Variants in SZT2 observed in about 807,000 individuals in gnomAD.
The protein encoded by SZT2 is KICSTOR complex protein SZT2.
In SZT2, 216 loss-of-function variants were observed where a neutral mutation model predicts 404.2. The observed-to-expected ratio is 0.53, with a 90% CI of 0.48 to 0.60. SZT2 has a LOEUF of 0.60. Ranked by LOEUF, SZT2 falls within the 20% of genes least tolerant of loss-of-function variation. The pLI is 0.00. For missense variants in SZT2, 3,857 were observed against 4,459.2 expected, an observed-to-expected ratio of 0.86 and a Z score of 3.85; for synonymous variants, 1,693 against 1,749.9, an observed-to-expected ratio of 0.97 and a Z score of 0.81.
intron 28 of SZT2, 149 bp downstream of exon 28, chr1:43,428,635 A>G: frequency 8.9e-7 from 1 of 1,118,684 alleles, no homozygotes; most frequent in Non-Finnish European, 1.2e-6. Context: ...ACGGACTCCC[A>G]TGCAGCCTTC....
At chr1:43,430,137 C>G (rs550107300) in intron 30 of SZT2, 34 bp downstream of exon 30, 1 of 1,612,146 alleles carries the variant, frequency 6.2e-7, no homozygotes, top group African/African-American at 1.3e-5. Context: ...CTCTCGTGCC[C>G]TCAACCCAGA....
intron 4 of SZT2, among the ~76,000 whole-genome samples, chr1:43,411,823 G>A (rs922846265): frequency 5.0e-5 from 6 of 121,024 alleles, no homozygotes; most frequent in Non-Finnish European, 7.9e-5. Context: ...CTGTCACCTC[G>A]GGTGGAGTGC....
Position 43,433,023 on chromosome 1 carries a change from G to C in SZT2, c.5637G>C (p.Glu1879Asp), listed in dbSNP as rs1654080897. The C allele has an allele frequency of 4.3e-6, 7 of 1,614,084 alleles. No homozygotes were observed. The highest frequency in any genetic ancestry group is 5.9e-6 in the Non-Finnish European group (7 of 1,180,034). ...YDGGSSGSDS[E>D]GPNDTLGEKA... ...GTGGCAGCAGTGGCTCAGACAGTGA[G>C]GGTCCCAATGACACCCTTGGTGAGA... The change falls in exon 40 of 72, where the codon GAG (glutamate) becomes GAC (aspartate). Residue 1879 changes from glutamate (E) to aspartate (D), a missense_variant. Glu to Asp is a conservative substitution (Grantham distance 45). This residue lies in a region of SZT2 where 1,725 missense variants were observed against 1,881.0 expected (regional missense o/e 0.92). Transcript: ENST00000634258.
At chr1:43,421,326 A>G in intron 11 of SZT2, 23 bp downstream of exon 11, 1 of 1,596,408 alleles carries the variant, frequency 6.3e-7, no homozygotes, top group Non-Finnish European at 8.5e-7. Context: ...GAAGTATAGT[A>G]GCCCCATTTC....
At position 43,448,358 on chromosome 1, in the gene SZT2, C is replaced by A; in HGVS notation, c.9843C>A (p.Arg3281=). ...GCCGTCGGGACACCCTTTGGAAGCG[C>A]CTCTTCTTGCTGGAGCCACCGGGGC... ...GHCRRDTLWK[R]LFLLEPPGPD... The change falls in exon 69 of 72, where the codon CGC becomes CGA. Residue 3281 remains arginine (R), a synonymous_variant. Coordinates refer to ENST00000634258, the MANE Select transcript of SZT2 (RefSeq NM_001365999.1). This position sits in a 1 kb window ranked among gnomAD's most constrained non-coding sequence, Gnocchi z 4.2. 2 of 1,554,848 alleles carry A rather than the reference C, an allele frequency of 1.3e-6. No individual in the cohort carries two copies. Among genetic ancestry groups the A allele is most frequent in the Non-Finnish European group, 1.7e-6 (2 of 1,149,174 alleles).
intron 1 of SZT2, among the ~76,000 whole-genome samples, chr1:43,394,735 G>A (rs1404688249): frequency 6.6e-6 from 1 of 152,148 alleles, no homozygotes; most frequent in African/African-American, 2.4e-5. Flanking sequence ...AAAATTAGCC[G>A]GGCGTGGTGG....
Position 43,425,966 on chromosome 1 carries a change from G to GC in SZT2, c.2929+20dup. 1 of 1,610,008 alleles carries GC rather than the reference G, an allele frequency of 6.2e-7. No homozygotes were observed. Among genetic ancestry groups the GC allele is most frequent in the African/African-American group, 1.3e-5 (1 of 74,966 alleles). On this transcript the variant is annotated intron_variant, in intron 20 of 71. Transcript: ENST00000634258. This position sits in a 1 kb window ranked among gnomAD's most constrained non-coding sequence, Gnocchi z 4.3. ...TCTCTGATGGTGAGTGGGGCAGGCG[G>GC]CCCACTGGTGGAGCAGGGGAGTGGG...
chr1:43,441,894 T>G lies in SZT2; in HGVS notation c.7742+76T>G. ...AGCTGGGCCTACAGGAAGCCAAACC[T>G]GAGGAAGCTGAGCTAGGAGAGGTGG... On this transcript the variant is annotated intron_variant, in intron 55 of 71. Coordinates refer to ENST00000634258, the MANE Select transcript of SZT2 (RefSeq NM_001365999.1). The surrounding 1 kb of genome is among the most constrained non-coding windows in gnomAD (Gnocchi z 4.8). 1 of 1,597,300 alleles carries G rather than the reference T, an allele frequency of 6.3e-7. No homozygotes were observed. Among genetic ancestry groups the G allele is most frequent in the Non-Finnish European group, 8.6e-7 (1 of 1,168,508 alleles).
At position 43,442,408 on chromosome 1, in the gene SZT2, C is replaced by T. The variant is rs200572608; in HGVS notation, c.7975-34C>T. 235 of 1,612,240 alleles carry T rather than the reference C, an allele frequency of 1.5e-4. 3 individuals are homozygous for T. In the East Asian group the frequency reaches 4.4e-3, roughly 30 times the overall value. ...AGGGACTGGGTGGGAAGAGGGGTTCCGTGATCTCACTGACCCTGACCCCCG... is the reference window on the plus strand; with the variant it reads ...AGGGACTGGGTGGGAAGAGGGGTTCTGTGATCTCACTGACCCTGACCCCCG... On this transcript the variant is annotated intron_variant, in intron 57 of 71. Transcript: ENST00000634258. The surrounding 1 kb of genome is among the most constrained non-coding windows in gnomAD (Gnocchi z 4.5).
At position 43,453,745 on chromosome 1, in the gene SZT2, G is replaced by C. The variant is rs1008698980; in HGVS notation, c.*3265G>C. 1.4e-6 allele frequency: 2 copies of C among 1,382,096 alleles called. No individual in the cohort carries two copies. The highest frequency in any genetic ancestry group is 9.3e-7 in the Non-Finnish European group (1 of 1,079,844). The allele number at this position is 1,382,096 out of a possible 1,614,324, so 85.6% of individuals were successfully genotyped here. A position where few individuals can be genotyped will look rare whatever the true frequency, so the allele number is the denominator to read the frequency against. On this transcript the variant is annotated 3_prime_UTR_variant, in exon 72 of 72. Coordinates refer to ENST00000634258, the MANE Select transcript of SZT2 (RefSeq NM_001365999.1). ...CGCACCCGCGCGGGGAGGCCGGAGA[G>C]CTCGGGGAATAGCCAGGACAGATTG...
chr1:43,447,958 C>A lies in SZT2; in HGVS notation c.9550C>A (p.Arg3184=). The A allele has an allele frequency of 6.2e-7, 1 of 1,613,928 alleles. No homozygotes were observed. The highest frequency in any genetic ancestry group is 1.3e-5 in the African/African-American group (1 of 74,960). The change falls in exon 68 of 72, where the codon CGG becomes AGG. Residue 3184 remains arginine, a synonymous_variant. Transcript: ENST00000634258. ...APFEEQGEAE[R]HVLRLQFFVV... Reference sequence around the variant, plus strand: ...CTTTGAGGAGCAAGGAGAGGCTGAGCGGCACGTTCTGCGGTCAGCAGATCC... The same window carrying A: ...CTTTGAGGAGCAAGGAGAGGCTGAGAGGCACGTTCTGCGGTCAGCAGATCC...
intron 14 of SZT2, 73 bp downstream of exon 14, chr1:43,422,956 C>A: frequency 6.7e-7 from 1 of 1,501,718 alleles, no homozygotes; most frequent in Non-Finnish European, 9.0e-7. Flanking sequence ...CCAAACCCCA[C>A]AGGGCCAGGT....
intron 4 of SZT2, chr1:43,412,893 C>G (rs1651242456): frequency 6.6e-6 from 1 of 151,992 alleles, no homozygotes; most frequent in Non-Finnish European, 1.5e-5. Context: ...ATATGGCAAA[C>G]AGGTATATGA....
intron 4 of SZT2, chr1:43,412,797 A>G (rs1651228075): frequency 6.6e-6 from 1 of 152,246 alleles, no homozygotes; most frequent in African/African-American, 2.4e-5. Flanking sequence ...TCTATAAGAA[A>G]AAAAAATCCA....
chr1:43,451,540 A>T lies in SZT2; in HGVS notation c.*1060A>T, dbSNP rs1468709956. On this transcript the variant is annotated 3_prime_UTR_variant, in exon 72 of 72. Coordinates refer to ENST00000634258, the MANE Select transcript of SZT2 (RefSeq NM_001365999.1). ...GGCCTGGGACCTGTGCCACCTGCACATGCCCTGGGGACAGATGTGGACAAA... is the reference window on the plus strand; with the variant it reads ...GGCCTGGGACCTGTGCCACCTGCACTTGCCCTGGGGACAGATGTGGACAAA... 8.1e-6 allele frequency: 13 copies of T among 1,613,924 alleles called. No individual in the cohort carries two copies. Among genetic ancestry groups the T allele is most frequent in the Non-Finnish European group, 1.1e-5 (13 of 1,179,992 alleles).
At chr1:43,409,634 T>C (rs1650767909) in intron 4 of SZT2, 1 of 186,636 alleles carries the variant, frequency 5.4e-6, no homozygotes, top group South Asian at 8.0e-5. Flanking sequence ...CAGCAGACAA[T>C]GTGAAGAAGA....
At position 43,426,398 on chromosome 1, in the gene SZT2, C is replaced by T. The variant is rs748164531; in HGVS notation, c.3074C>T (p.Ser1025Phe). Residue 1025 changes from serine to phenylalanine, a missense_variant, in exon 22 of 72, where the codon TCC becomes TTC. Coordinates refer to ENST00000634258, the MANE Select transcript of SZT2 (RefSeq NM_001365999.1). This position sits in a 1 kb window ranked among gnomAD's most constrained non-coding sequence, Gnocchi z 4.9. ...EPEGVPFAEG[S>F]CPANDMVLCL... Reference sequence around the variant, plus strand: ...GAGGGTGTCCCTTTCGCCGAGGGGTCCTGTCCTGCCAACGACATGGTGCTG... The same window carrying T: ...GAGGGTGTCCCTTTCGCCGAGGGGTTCTGTCCTGCCAACGACATGGTGCTG... 1 of 1,583,812 alleles carries T rather than the reference C, an allele frequency of 6.3e-7. No individual in the cohort carries two copies. Among genetic ancestry groups the T allele is most frequent in the Admixed American group, 1.7e-5 (1 of 58,246 alleles).
At chr1:43,419,378 AG>A (rs1158493187) in intron 7 of SZT2, among the ~76,000 whole-genome samples, 1 of 152,220 alleles carries the variant, frequency 6.6e-6, no homozygotes, top group Non-Finnish European at 1.5e-5. Context: ...CAAAATCCCC[AG>A]GTGTTTTTCA....
At chr1:43,444,493 G>A (rs370671154) in intron 62 of SZT2, among the ~76,000 whole-genome samples, 19 of 152,212 alleles carry the variant, frequency 1.2e-4, no homozygotes, top group African/African-American at 4.6e-4. Flanking sequence ...GAGATTTGAT[G>A]TAGTTCTCGG....
Sources: allele counts gnomAD v4.1 joint callset (sites outside exome capture counted in the v4.1 genomes callset), GRCh38; gene constraint gnomAD v4.1.1; regional missense constraint gnomAD v4.1.1; non-coding constraint Gnocchi (gnomAD v3.1); transcripts MANE v1.5; gene names NCBI Gene and HGNC (gene_info 2026-07-23, HGNC 2026-07-21).